Variants in NUBPL observed in about 807,000 individuals in gnomAD.
NUBPL encodes the protein NUBP iron-sulfur cluster assembly factor, mitochondrial, also known as iron-sulfur cluster transfer protein NUBPL.
A neutral mutation model predicts 45.7 loss-of-function variants in NUBPL; 31 were observed. That is an observed-to-expected ratio of 0.68 (90% CI 0.51 to 0.92). The LOEUF (loss-of-function observed/expected upper bound fraction) is 0.92, where lower values mean the gene tolerates loss of function less well. Ranked by LOEUF, NUBPL falls within the 40% of genes least tolerant of loss-of-function variation. NUBPL has a pLI of 0.00. For missense variants in NUBPL, 401 were observed against 398.7 expected, an observed-to-expected ratio of 1.01 and a Z score of -0.05; for synonymous variants, 144 against 140.9, an observed-to-expected ratio of 1.02 and a Z score of -0.15.
At chr14:31,620,617 GAGC>G in intron 4 of NUBPL, among the ~76,000 whole-genome samples, 1 of 152,308 alleles carries the variant, frequency 6.6e-6, no homozygotes, top group South Asian at 2.1e-4. Flanking sequence ...AGAGGCTGCA[GAGC>G]AGCAAAGATT....
rs564748784 is a variant in NUBPL, at chr14:31,817,951, A to G, written c.608-8678A>G. ...CAAAGACACACATAGGCTCAAAATA[A>G]AGGGATGGAGGAATACTTACCAAGC... On this transcript the variant is annotated intron_variant, in intron 7 of 10. Coordinates refer to ENST00000281081, the MANE Select transcript of NUBPL (RefSeq NM_025152.3). 2.0e-5 allele frequency among the ~76,000 whole-genome samples: 3 copies of G among 152,296 alleles called. No homozygotes were observed. In the East Asian group the frequency reaches 5.8e-4, roughly 29 times the overall value.
chr14:31,832,357 GTA>G (rs1325949126), intron 8 of NUBPL, among the ~76,000 whole-genome samples: 1 of 152,160 alleles, frequency 6.6e-6, no homozygotes, highest in East Asian at 1.9e-4. Flanking sequence ...GGAATCGATT[GTA>G]TAGGGTAGGA....
At chr14:31,790,481 G>A (rs560370383) in intron 7 of NUBPL, among the ~76,000 whole-genome samples, 2 of 152,224 alleles carry the variant, frequency 1.3e-5, no homozygotes, top group South Asian at 4.2e-4. Flanking sequence ...TAATATATTG[G>A]CATTGTTGTG....
intron 6 of NUBPL, among the ~76,000 whole-genome samples, chr14:31,699,207 A>C (rs1292100188): frequency 6.6e-6 from 1 of 152,170 alleles, no homozygotes; most frequent in Non-Finnish European, 1.5e-5. Context: ...GTAGGCCTAT[A>C]TGTCTGTAGC....
chr14:31,663,430 G>A (rs2036323657), intron 4 of NUBPL, among the ~76,000 whole-genome samples: 1 of 152,160 alleles, frequency 6.6e-6, no homozygotes, highest in Admixed American at 6.5e-5. Context: ...GTGTAAGGAA[G>A]GGGTCTAGTT....
intron 6 of NUBPL, among the ~76,000 whole-genome samples, chr14:31,702,853 T>G (rs1318770241): frequency 6.6e-6 from 1 of 152,226 alleles, no homozygotes. Context: ...GGACTTCCAT[T>G]CTCCTAAACC....
chr14:31,832,211 C>CAGTA (rs1204424011), intron 8 of NUBPL, among the ~76,000 whole-genome samples: 1 of 152,014 alleles, frequency 6.6e-6, no homozygotes, highest in Non-Finnish European at 1.5e-5. Flanking sequence ...TTTCTTTTAT[C>CAGTA]AGTAAGACAG....
intron 4 of NUBPL, among the ~76,000 whole-genome samples, chr14:31,651,757 G>A (rs2036011013): frequency 6.6e-6 from 1 of 152,040 alleles, no homozygotes; most frequent in African/African-American, 2.4e-5. Flanking sequence ...AAATTAGCCA[G>A]GTGTGGTGGT....
At chr14:31,743,145 C>T (rs1224578567) in intron 6 of NUBPL, among the ~76,000 whole-genome samples, 13 of 152,118 alleles carry the variant, frequency 8.5e-5, no homozygotes. Context: ...CTAACAGTCT[C>T]CTTCTTACAG....
intron 4 of NUBPL, among the ~76,000 whole-genome samples, chr14:31,656,100 T>C (rs1047495937): frequency 1.3e-5 from 2 of 152,206 alleles, no homozygotes; most frequent in African/African-American, 4.8e-5. Flanking sequence ...GCTTTTTTTT[T>C]CTTAAACCTC....
intron 3 of NUBPL, among the ~76,000 whole-genome samples, chr14:31,599,077 G>T (rs1595346261): frequency 6.6e-6 from 1 of 152,150 alleles, no homozygotes; most frequent in African/African-American, 2.4e-5. Flanking sequence ...GACGATATTA[G>T]TAAATCGTAA....
intron 7 of NUBPL, among the ~76,000 whole-genome samples, chr14:31,818,374 G>A (rs187128061): frequency 2.2e-4 from 33 of 152,088 alleles, no homozygotes; most frequent in African/African-American, 5.3e-4. Context: ...GCACCACATC[G>A]CACTTACTCA....
chr14:31,601,759 G>A (rs2034440275), intron 4 of NUBPL, among the ~76,000 whole-genome samples: 1 of 152,144 alleles, frequency 6.6e-6, no homozygotes, highest in Non-Finnish European at 1.5e-5. Context: ...GAGAGGATGT[G>A]GAGAAATAGG....
intron 6 of NUBPL, among the ~76,000 whole-genome samples, chr14:31,787,118 A>C (rs2138817023): frequency 6.6e-6 from 1 of 152,252 alleles, no homozygotes; most frequent in South Asian, 2.1e-4. Flanking sequence ...ACAATTGAGA[A>C]GATCCTTGGG....
intron 6 of NUBPL, among the ~76,000 whole-genome samples, chr14:31,732,924 G>T (rs531839102): frequency 7.8e-4 from 118 of 151,844 alleles, no homozygotes; most frequent in African/African-American, 2.7e-3. Context: ...ATTCTTTTAT[G>T]GTTAGTACTT....
intron 8 of NUBPL, among the ~76,000 whole-genome samples, chr14:31,830,909 G>A (rs1022997689): frequency 5.9e-5 from 9 of 151,842 alleles, no homozygotes; most frequent in Admixed American, 3.3e-4. Context: ...TTCTCCTCAG[G>A]ACCCTTACCA....
chr14:31,760,177 G>C (rs145504663), intron 6 of NUBPL, among the ~76,000 whole-genome samples: 4,226 of 147,016 alleles, frequency 0.029, 220 homozygotes, highest in African/African-American at 0.1. Context: ...GAGAGAGAGA[G>C]AGAGACAGGG....
intron 3 of NUBPL, among the ~76,000 whole-genome samples, chr14:31,591,384 A>C (rs1206095092): frequency 2.0e-5 from 3 of 150,738 alleles, no homozygotes; most frequent in Non-Finnish European, 4.4e-5. Context: ...CTGCTCTTGA[A>C]CTCCTGACCT....
chr14:31,630,582 T>C (rs1307557589), intron 4 of NUBPL, among the ~76,000 whole-genome samples: 2 of 152,206 alleles, frequency 1.3e-5, no homozygotes, highest in African/African-American at 4.8e-5. Flanking sequence ...ATATTTATCA[T>C]CTGCCCCTTT....
Sources: allele counts gnomAD v4.1 joint callset (sites outside exome capture counted in the v4.1 genomes callset), GRCh38; gene constraint gnomAD v4.1.1; transcripts MANE v1.5; gene names NCBI Gene and HGNC (gene_info 2026-07-23, HGNC 2026-07-21).